Variants in HTR3E observed in about 807,000 individuals in gnomAD.
HTR3E encodes 5-hydroxytryptamine (serotonin) receptor 3, family member E.
A neutral mutation model predicts 38.0 loss-of-function variants in HTR3E; 38 were observed. The ratio of observed to expected loss-of-function variants is 1.00; its 90% CI spans 0.77 to 1.31. The LOEUF (loss-of-function observed/expected upper bound fraction) is 1.31. Ranked by LOEUF, HTR3E falls within the 50% of genes most tolerant of loss-of-function variation. The pLI is 0.00. For missense variants in HTR3E, 547 were observed against 585.2 expected, an observed-to-expected ratio of 0.93 and a Z score of 0.67; for synonymous variants, 210 against 232.9, an observed-to-expected ratio of 0.90 and a Z score of 0.89.
chr3:184,101,574 G>C (rs779643624), intron 3 of HTR3E, 45 bp downstream of exon 3: 4 of 1,468,534 alleles, frequency 2.7e-6, no homozygotes, highest in Non-Finnish European at 3.8e-6. Context: ...CAGTCAAAAA[G>C]GATTTTAAAC....
chr3:184,105,232 C>A, intron 5 of HTR3E, 35 bp from the exon 6 acceptor site: 1 of 1,568,614 alleles, frequency 6.4e-7, no homozygotes, highest in Non-Finnish European at 8.6e-7. Context: ...GAAACTATCT[C>A]CTTGAAAAAT....
chr3:184,098,177 T>C (rs1419466140), intron 1 of HTR3E, among the ~76,000 whole-genome samples: 2 of 152,178 alleles, frequency 1.3e-5, no homozygotes, highest in Admixed American at 1.3e-4. Context: ...GGGGTCAGCA[T>C]GGTAGAGAGA....
Position 184,106,528 on chromosome 3 carries a change from G to A in HTR3E, c.1206G>A (p.Gly402=). 6.2e-7 allele frequency: 1 copy of A among 1,613,590 alleles called. No homozygotes were observed. Among genetic ancestry groups the A allele is most frequent in the Non-Finnish European group, 8.5e-7 (1 of 1,179,720 alleles). The change falls in exon 9 of 9, where the codon GGG becomes GGA. Residue 402 remains glycine, a synonymous_variant. Transcript: ENST00000415389. The surrounding 1 kb of genome is among the most constrained non-coding windows in gnomAD (Gnocchi z 4.1). ...MPGPAEAELT[G]GSEWTRAQRE... ...GCCCTGCGGAGGCAGAGCTGACAGG[G>A]GGCTCAGAATGGACAAGGGCCCAGC...
At chr3:184,104,689 C>G in intron 4 of HTR3E, 98 bp from the exon 5 acceptor site, 1 of 1,121,702 alleles carries the variant, frequency 8.9e-7, no homozygotes, top group Non-Finnish European at 1.2e-6. Context: ...TCTACTCCAG[C>G]CTGGGTGACA....
chr3:184,104,421 C>T (rs1292818483), intron 4 of HTR3E, 130 bp downstream of exon 4: 5 of 1,410,564 alleles, frequency 3.5e-6, no homozygotes, highest in Non-Finnish European at 9.3e-7. Context: ...AGAAGAGAAA[C>T]TGAGCCAGGC....
At chr3:184,099,570 C>T (rs953328876) in intron 1 of HTR3E, among the ~76,000 whole-genome samples, 3 of 150,788 alleles carry the variant, frequency 2.0e-5, no homozygotes, top group African/African-American at 4.9e-5. Context: ...AAAAATTAGC[C>T]GGGCGCGGTG....
chr3:184,103,374 A>G (rs926119612), intron 3 of HTR3E, among the ~76,000 whole-genome samples: 1 of 152,160 alleles, frequency 6.6e-6, no homozygotes, highest in African/African-American at 2.4e-5. Flanking sequence ...TCACGCCTGT[A>G]ATCCCAGCAC....
At chr3:184,098,293 G>A (rs1711771495) in intron 1 of HTR3E, among the ~76,000 whole-genome samples, 1 of 152,180 alleles carries the variant, frequency 6.6e-6, no homozygotes, top group Non-Finnish European at 1.5e-5. Flanking sequence ...CTGAGCTCTG[G>A]TTTCCTCATC....
rs774630322 is a variant in HTR3E, at chr3:184,105,907, G to A, written c.863G>A (p.Gly288Asp). The change falls in exon 7 of 9, where the codon GGC becomes GAC. Residue 288 changes from glycine (G) to aspartate (D), a missense_variant. Transcript: ENST00000415389. ...RVPFKITLLL[G>D]YNVFLLMMSD... ...CCATTCAAGATAACGCTCCTGCTGG[G>A]CTACAACGTCTTCCTGCTCATGATG... The A allele has an allele frequency of 2.5e-6, 4 of 1,614,152 alleles. No individual in the cohort carries two copies. The South Asian group carries it at 4.4e-5, about 18-fold the overall frequency.
chr3:184,105,227 T>A, intron 5 of HTR3E, 40 bp from the exon 6 acceptor site: 2 of 1,562,736 alleles, frequency 1.3e-6, no homozygotes, highest in Non-Finnish European at 1.7e-6. Context: ...ACCAGGAAAC[T>A]ATCTCCTTGA....
At chr3:184,104,460 C>A in intron 4 of HTR3E, 169 bp downstream of exon 4, 2 of 1,053,680 alleles carry the variant, frequency 1.9e-6, no homozygotes, top group Non-Finnish European at 2.6e-6. Context: ...AATCCCAGCA[C>A]TTTGGGAGGC....
At chr3:184,104,359 T>C (rs751050742) in intron 4 of HTR3E, 68 bp downstream of exon 4, 38 of 1,550,502 alleles carry the variant, frequency 2.5e-5, no homozygotes, top group East Asian at 9.8e-5. Context: ...CAGTTTACCA[T>C]TGGGGCCACT....
Position 184,100,497 on chromosome 3 carries a change from CTT to C in HTR3E, c.82_83del (p.Phe28HisfsTer22), listed in dbSNP as rs746553048. ...ATGTCCACTACAGGAAGGGGCGTTA[CTT>C]TCACCATCAATTGCTCAGGGTTTGG... On this transcript the variant is annotated frameshift_variant, in exon 2 of 9. Transcript: ENST00000415389. LOFTEE classifies it high-confidence loss of function. 6.8e-6 allele frequency: 11 copies of C among 1,614,060 alleles called. No homozygotes were observed. The highest frequency in any genetic ancestry group is 1.7e-5 in the Admixed American group (1 of 59,990).
At chr3:184,101,444 C>T (rs1400936335) in intron 2 of HTR3E, 41 bp from the exon 3 acceptor site, 1 of 1,583,896 alleles carries the variant, frequency 6.3e-7, no homozygotes, top group Non-Finnish European at 8.7e-7. Context: ...GAACAGACTT[C>T]TTACTGGCAA....
Position 184,097,482 on chromosome 3 carries a change from C to A in HTR3E, c.-48C>A. On this transcript the variant is annotated 5_prime_UTR_variant, in exon 1 of 9. Coordinates refer to ENST00000415389, the MANE Select transcript of HTR3E (RefSeq NM_001256613.2). ...GTGGCCTGTGCTGCTTTAATCTGGG[C>A]ATTCCTGGGTCCCAGTACATGTTCA... 2 of 1,388,306 alleles carry A rather than the reference C, an allele frequency of 1.4e-6. No individual in the cohort carries two copies. The highest frequency in any genetic ancestry group is 2.0e-6 in the Non-Finnish European group (2 of 1,012,578). 86.0% of individuals were successfully genotyped at this position (1,388,306 alleles called of 1,614,324 possible).
Position 184,106,121 on chromosome 3 carries a change from C to G in HTR3E, c.926-7C>G, listed in dbSNP as rs1327708067. 14 of 1,613,604 alleles carry G rather than the reference C, an allele frequency of 8.7e-6. No homozygotes were observed. The highest frequency in any genetic ancestry group is 1.2e-5 in the Non-Finnish European group (14 of 1,179,980). The stretch of plus-strand genomic sequence containing the variant: ...TCTGGCCCTCACTAGGCCCCCCTTC[C>G]CTCCAGGTGTCTACTTCGCCCTGTG... On this transcript the variant is annotated splice_region_variant and splice_polypyrimidine_tract_variant and intron_variant, in intron 7 of 8. Transcript: ENST00000415389. This position sits in a 1 kb window ranked among gnomAD's most constrained non-coding sequence, Gnocchi z 4.1.
chr3:184,104,869 G>A lies in HTR3E; in HGVS notation c.472G>A (p.Val158Met). ...CATCAGGTATAAGAAACCCATGAAG[G>A]TGGACAGTATCTGTAACCTGGACAT... ...GRIRYKKPMK[V>M]DSICNLDIFY... Residue 158 changes from valine to methionine, a missense_variant, in exon 5 of 9, where the codon GTG becomes ATG. Transcript: ENST00000415389. 1 of 1,614,086 alleles carries A rather than the reference G, an allele frequency of 6.2e-7. No individual in the cohort carries two copies.
rs750528731 is a variant in HTR3E, at chr3:184,105,757, C to T, written c.721-8C>T. On this transcript the variant is annotated splice_region_variant and splice_polypyrimidine_tract_variant and intron_variant, in intron 6 of 8. Transcript: ENST00000415389. Reference sequence around the variant, plus strand: ...ATAACTACTTACCACCCTCTCCTACCCCACCAGGTGGCCATCAGGCGCAGG... The same window carrying T: ...ATAACTACTTACCACCCTCTCCTACTCCACCAGGTGGCCATCAGGCGCAGG... 1 of 1,610,688 alleles carries T rather than the reference C, an allele frequency of 6.2e-7. No homozygotes were observed. The highest frequency in any genetic ancestry group is 1.7e-5 in the Admixed American group (1 of 60,004).
At chr3:184,100,353 A>C (rs1226468246) in intron 1 of HTR3E, 132 bp from the exon 2 acceptor site, 2 of 1,608,228 alleles carry the variant, frequency 1.2e-6, no homozygotes, top group Admixed American at 1.7e-5. Context: ...TATACCTGAC[A>C]CACAGCCAGT....
Sources: gnomAD v4.1 joint callset for allele counts (sites outside exome capture counted in the v4.1 genomes callset) on GRCh38, gnomAD v4.1.1 for gene constraint, Gnocchi (gnomAD v3.1) non-coding constraint, MANE v1.5 for transcripts, NCBI Gene and HGNC (gene_info 2026-07-23, HGNC 2026-07-21) for gene names.